STK33: variants seen among roughly 807,000 people sequenced by gnomAD.
STK33 encodes the protein serine/threonine-protein kinase 33.
Under a neutral mutation model 58.0 loss-of-function variants are expected in STK33, and 52 were observed. The ratio of observed to expected loss-of-function variants is 0.90; its 90% CI spans 0.72 to 1.13. The LOEUF (loss-of-function observed/expected upper bound fraction) is 1.13. STK33 is among the 50% of genes most tolerant of loss of function. The pLI, the probability that STK33 is intolerant of heterozygous loss-of-function variation, is 0.00. For missense variants in STK33, 630 were observed against 604.2 expected (o/e 1.04, Z -0.45); for synonymous variants, 215 against 200.1 (o/e 1.07, Z -0.63).
At chr11:8,592,010 T>C (rs1174029726) in intron 1 of STK33, among the ~76,000 whole-genome samples, 1 of 152,042 alleles carries the variant, frequency 6.6e-6, no homozygotes, top group Non-Finnish European at 1.5e-5. Context: ...AAAAAAAAAT[T>C]ACTCTGCCTT....
At chr11:8,572,955 T>G (rs1591848855) in intron 1 of STK33, among the ~76,000 whole-genome samples, 1 of 152,134 alleles carries the variant, frequency 6.6e-6, no homozygotes, top group East Asian at 1.9e-4. Flanking sequence ...CTTAATACTT[T>G]TTTTTTCTGC....
At position 8,509,116 on chromosome 11, in the gene STK33, C is replaced by CAAAAAAAAAAAAAAAAAAA. The variant is rs1161851155; in HGVS notation, c.-465-28521_-465-28503dup. On this transcript the variant is annotated intron_variant, in intron 1 of 15. Transcript: ENST00000687296. The stretch of plus-strand genomic sequence containing the variant: ...GGGCAACAAGAGCAAAACTCTGTCT[C>CAAAAAAAAAAAAAAAAAAA]AAAAAAAAAAAAAAAAAAAAAAAGC... Among the ~76,000 whole-genome samples, 3 of 45,416 alleles carry CAAAAAAAAAAAAAAAAAAA rather than the reference C, an allele frequency of 6.6e-5. 1 individual carries two copies. Among genetic ancestry groups the CAAAAAAAAAAAAAAAAAAA allele is most frequent in the African/African-American group, 1.6e-4 (2 of 12,136 alleles). The allele number at this position is 45,416 out of a possible 152,430, so 29.8% of individuals were successfully genotyped here.
intron 1 of STK33, among the ~76,000 whole-genome samples, chr11:8,515,806 A>T (rs1157874702): frequency 1.3e-5 from 2 of 152,220 alleles, no homozygotes. Context: ...AAAACAAAAA[A>T]ACTCTCAACA....
At chr11:8,502,493 A>T (rs1196819097) in intron 1 of STK33, among the ~76,000 whole-genome samples, 2 of 152,242 alleles carry the variant, frequency 1.3e-5, no homozygotes, top group Non-Finnish European at 2.9e-5. Context: ...AAGATGGATT[A>T]AAGACTTAAA....
chr11:8,428,002 G>T (rs1186090352), intron 14 of STK33, among the ~76,000 whole-genome samples: 1 of 152,160 alleles, frequency 6.6e-6, no homozygotes, highest in Non-Finnish European at 1.5e-5. Context: ...CCTTGGCCTT[G>T]GGAGATCAAG....
the STK33 span, among the ~76,000 whole-genome samples, chr11:8,354,517 C>CACACACACACACACACACA: frequency 1.3e-3 from 189 of 146,256 alleles, no homozygotes; most frequent in Admixed American, 2.0e-3. Context: ...CACACACACA[C>CACACACACACACACACACA]CCCTCAGACA....
chr11:8,516,390 G>A (rs1368124874), intron 1 of STK33, among the ~76,000 whole-genome samples: 2 of 152,188 alleles, frequency 1.3e-5, no homozygotes, highest in African/African-American at 4.8e-5. Context: ...TTCCTAGATG[G>A]CCGAATAGGC....
intron 1 of STK33, among the ~76,000 whole-genome samples, chr11:8,536,018 T>C (rs116769480): frequency 2.3e-4 from 35 of 152,288 alleles, no homozygotes; most frequent in African/African-American, 8.4e-4. Context: ...AAATAACGCA[T>C]GTTCTCACTT....
chr11:8,404,188 G>C (rs73402076), intron 15 of STK33, among the ~76,000 whole-genome samples: 3 of 152,100 alleles, frequency 2.0e-5, no homozygotes. Context: ...GACTTCTAAG[G>C]TTACTTGCAT....
intron 1 of STK33, among the ~76,000 whole-genome samples, chr11:8,532,940 T>C (rs1266542797): frequency 6.6e-6 from 1 of 152,238 alleles, no homozygotes; most frequent in Non-Finnish European, 1.5e-5. Flanking sequence ...ATGCAAATGT[T>C]TCACACTCAT....
intron 2 of STK33, among the ~76,000 whole-genome samples, chr11:8,477,869 T>G (rs1175655791): frequency 2.0e-5 from 3 of 152,158 alleles, no homozygotes; most frequent in Non-Finnish European, 4.4e-5. Context: ...TAGGATTTCT[T>G]TCTATTACTC....
intron 1 of STK33, among the ~76,000 whole-genome samples, chr11:8,546,957 G>C (rs750515419): frequency 2.0e-5 from 3 of 151,964 alleles, no homozygotes; most frequent in African/African-American, 7.3e-5. Flanking sequence ...TGGATCATAC[G>C]GTAGACTATT....
At chr11:8,460,668 C>T (rs145659785) in intron 8 of STK33, among the ~76,000 whole-genome samples, 1 of 151,734 alleles carries the variant, frequency 6.6e-6, no homozygotes, top group Non-Finnish European at 1.5e-5. Flanking sequence ...CATAAACTCA[C>T]AAGTCCATGA....
chr11:8,558,018 C>G (rs938018621), intron 1 of STK33, among the ~76,000 whole-genome samples: 17 of 152,254 alleles, frequency 1.1e-4, no homozygotes, highest in African/African-American at 3.6e-4. Flanking sequence ...AAAAATTTAA[C>G]TTAGAAAAAT....
the STK33 span, among the ~76,000 whole-genome samples, chr11:8,353,253 C>G: frequency 6.6e-6 from 1 of 152,222 alleles, no homozygotes; most frequent in Middle Eastern, 3.2e-3. Context: ...AAGCCACGAA[C>G]CTGAGTTGGT....
intron 1 of STK33, among the ~76,000 whole-genome samples, chr11:8,530,299 G>A (rs1954423450): frequency 6.6e-6 from 1 of 151,910 alleles, no homozygotes; most frequent in East Asian, 1.9e-4. Flanking sequence ...GGACAAAAGA[G>A]CATTTAAATG....
At chr11:8,362,711 G>A in the STK33 span, among the ~76,000 whole-genome samples, 9,213 of 152,230 alleles carry the variant, frequency 0.061, 305 homozygotes, top group Non-Finnish European at 0.072. Flanking sequence ...ATCAGGCCCA[G>A]ATCCTCCCTG....
At chr11:8,367,116 T>A in the STK33 span, among the ~76,000 whole-genome samples, 1 of 152,266 alleles carries the variant, frequency 6.6e-6, no homozygotes, top group South Asian at 2.1e-4. Flanking sequence ...AGTATACGTT[T>A]TGTATATATG....
intron 11 of STK33, among the ~76,000 whole-genome samples, chr11:8,443,036 T>C (rs1184124036): frequency 6.6e-6 from 1 of 152,222 alleles, no homozygotes; most frequent in Non-Finnish European, 1.5e-5. Context: ...GGGTAGTGAT[T>C]ACACAAGTGT....
Sources: gnomAD v4.1 joint callset for allele counts (sites outside exome capture counted in the v4.1 genomes callset) on GRCh38, gnomAD v4.1.1 for gene constraint, MANE v1.5 for transcripts, NCBI Gene and HGNC (gene_info 2026-07-23, HGNC 2026-07-21) for gene names.